KCTD16: variants seen among roughly 807,000 people sequenced by gnomAD.
KCTD16 encodes potassium channel tetramerization domain containing 16, also known as BTB/POZ domain-containing protein KCTD16.
A neutral mutation model predicts 33.2 loss-of-function variants in KCTD16; 13 were observed. That is an observed-to-expected ratio of 0.39 (90% CI 0.25 to 0.62). The LOEUF (loss-of-function observed/expected upper bound fraction) is 0.62, where lower values mean the gene tolerates loss of function less well. Ranked by LOEUF, KCTD16 falls within the 20% of genes least tolerant of loss-of-function variation. The pLI, the probability that KCTD16 is intolerant of heterozygous loss-of-function variation, is 0.50. For missense variants in KCTD16, 441 were observed against 525.1 expected (o/e 0.84, Z 1.57); for synonymous variants, 197 against 195.3 (o/e 1.01, Z -0.07).
At chr5:144,388,238 C>G (rs1312635527) in intron 3 of KCTD16, among the ~76,000 whole-genome samples, 2 of 151,136 alleles carry the variant, frequency 1.3e-5, no homozygotes, top group African/African-American at 4.9e-5. Flanking sequence ...CGCCACCACG[C>G]CCAGCTATTT....
chr5:144,284,448 A>T (rs551544946), intron 3 of KCTD16, among the ~76,000 whole-genome samples: 19 of 152,248 alleles, frequency 1.2e-4, no homozygotes, highest in Non-Finnish European at 1.0e-4. Context: ...ATGTTAGAAG[A>T]AAAGCTCAAA....
intron 1 of KCTD16, among the ~76,000 whole-genome samples, chr5:144,174,041 CACCCT>C (rs1304098493): frequency 6.6e-6 from 1 of 152,044 alleles, no homozygotes; most frequent in Non-Finnish European, 1.5e-5. Context: ...TAGAAAGCCT[CACCCT>C]AGGTCAAGAG....
intron 2 of KCTD16, among the ~76,000 whole-genome samples, chr5:144,204,948 A>G (rs920914484): frequency 1.3e-5 from 2 of 151,540 alleles, no homozygotes; most frequent in Non-Finnish European, 2.9e-5. Flanking sequence ...TAAAACAAGC[A>G]TTAGAGGGAT....
chr5:144,412,459 G>C (rs544771663), intron 3 of KCTD16, among the ~76,000 whole-genome samples: 57 of 152,290 alleles, frequency 3.7e-4, no homozygotes, highest in Non-Finnish European at 6.2e-4. Flanking sequence ...CTGAGATGTA[G>C]GAGATAAAAA....
intron 3 of KCTD16, among the ~76,000 whole-genome samples, chr5:144,323,101 T>C (rs1328333869): frequency 6.6e-6 from 1 of 152,168 alleles, no homozygotes; most frequent in Non-Finnish European, 1.5e-5. Context: ...GGAAGTGCTA[T>C]TATGATAGAA....
chr5:144,202,015 G>A (rs562576615), intron 2 of KCTD16, among the ~76,000 whole-genome samples: 1 of 152,300 alleles, frequency 6.6e-6, no homozygotes, highest in East Asian at 1.9e-4. Context: ...ATATTTGGCT[G>A]TGCATGTGAA....
chr5:144,433,385 C>T (rs1422180634), intron 3 of KCTD16, among the ~76,000 whole-genome samples: 1 of 152,114 alleles, frequency 6.6e-6, no homozygotes, highest in Non-Finnish European at 1.5e-5. Flanking sequence ...CCAGCCGTTA[C>T]TCCCCTTAAG....
At chr5:144,385,883 A>G (rs544897778) in intron 3 of KCTD16, among the ~76,000 whole-genome samples, 3 of 152,118 alleles carry the variant, frequency 2.0e-5, no homozygotes, top group African/African-American at 7.2e-5. Context: ...CCTAATATTA[A>G]CGTCTATTTT....
At chr5:144,278,485 C>CTTTTTTTTTTTTTTTT (rs1220359408) in intron 3 of KCTD16, among the ~76,000 whole-genome samples, 2 of 89,986 alleles carry the variant, frequency 2.2e-5, no homozygotes, top group Non-Finnish European at 4.1e-5. Flanking sequence ...TGTTAGTCTT[C>CTTTTTTTTTTTTTTTT]TTTTTTTTTT....
intron 3 of KCTD16, among the ~76,000 whole-genome samples, chr5:144,325,870 T>C (rs1752192705): frequency 6.6e-6 from 1 of 152,128 alleles, no homozygotes; most frequent in African/African-American, 2.4e-5. Context: ...AGAACAGTGC[T>C]TGGTACAGAG....
intron 3 of KCTD16, among the ~76,000 whole-genome samples, chr5:144,422,847 T>C (rs1561602864): frequency 6.6e-6 from 1 of 152,142 alleles, no homozygotes; most frequent in African/African-American, 2.4e-5. Flanking sequence ...AATGAATATA[T>C]ACCCCATGTG....
chr5:144,463,243 T>C (rs1754243383), intron 3 of KCTD16, among the ~76,000 whole-genome samples: 1 of 152,138 alleles, frequency 6.6e-6, no homozygotes, highest in African/African-American at 2.4e-5. Flanking sequence ...TTAAGTGATA[T>C]GAAGGTGGGT....
rs1752437542 is a variant in KCTD16 at position 144,334,669 on chromosome 5, G to T, written c.832+127123G>T. Reference sequence around the variant, plus strand: ...TATTTTTCTTGTTTGACAGAAAACTGAGTTTTAGAAAGGTCAGCTAACTTA... The same window carrying T: ...TATTTTTCTTGTTTGACAGAAAACTTAGTTTTAGAAAGGTCAGCTAACTTA... On this transcript the variant is annotated intron_variant, in intron 3 of 3. Transcript: ENST00000512467. Among the ~76,000 whole-genome samples, 3 of 152,282 alleles carry T rather than the reference G, an allele frequency of 2.0e-5. No homozygotes were observed. In the East Asian group the frequency reaches 5.8e-4, roughly 29 times the overall value.
At chr5:144,173,086 C>T (rs1307425038) in intron 1 of KCTD16, among the ~76,000 whole-genome samples, 1 of 152,206 alleles carries the variant, frequency 6.6e-6, no homozygotes, top group Non-Finnish European at 1.5e-5. Context: ...CCTCAAAGAC[C>T]TAAAGACAGA....
intron 3 of KCTD16, among the ~76,000 whole-genome samples, chr5:144,286,212 G>A (rs1200515300): frequency 6.6e-6 from 1 of 152,028 alleles, no homozygotes; most frequent in African/African-American, 2.4e-5. Context: ...TTACAAGTGT[G>A]TGAGTGAAGA....
At chr5:144,251,925 C>T (rs1010627751) in intron 3 of KCTD16, among the ~76,000 whole-genome samples, 5 of 152,212 alleles carry the variant, frequency 3.3e-5, no homozygotes, top group African/African-American at 1.2e-4. Flanking sequence ...AGACAACCAT[C>T]CCATTTATCA....
intron 3 of KCTD16, among the ~76,000 whole-genome samples, chr5:144,432,991 A>G (rs960036315): frequency 2.0e-5 from 3 of 152,120 alleles, no homozygotes; most frequent in African/African-American, 7.2e-5. Flanking sequence ...GGGATAATAG[A>G]TTAGTGGAGA....
chr5:144,382,759 G>A (rs769131119), intron 3 of KCTD16, among the ~76,000 whole-genome samples: 4 of 152,174 alleles, frequency 2.6e-5, no homozygotes, highest in African/African-American at 4.8e-5. Flanking sequence ...GATCCACTGC[G>A]AGGTTCTGGA....
intron 2 of KCTD16, among the ~76,000 whole-genome samples, chr5:144,202,826 G>A (rs1228342445): frequency 6.6e-6 from 1 of 152,220 alleles, no homozygotes; most frequent in South Asian, 2.1e-4. Flanking sequence ...TGGGTTGCAA[G>A]ATTAAGGTTG....
Sources: allele counts gnomAD v4.1 joint callset (sites outside exome capture counted in the v4.1 genomes callset), GRCh38; gene constraint gnomAD v4.1.1; transcripts MANE v1.5; gene names NCBI Gene and HGNC (gene_info 2026-07-23, HGNC 2026-07-21).